SERINC5: variants seen among roughly 807,000 people sequenced by gnomAD.
The protein encoded by SERINC5 is chromosome 5 open reading frame 12.
In SERINC5, 41 loss-of-function variants were observed where a neutral mutation model predicts 63.1. The observed-to-expected ratio is 0.65, with a 90% CI of 0.51 to 0.84. The LOEUF (loss-of-function observed/expected upper bound fraction) is 0.84. Ranked by LOEUF, SERINC5 falls within the 40% of genes least tolerant of loss-of-function variation. The probability of loss-of-function intolerance (pLI) is 0.00; values close to 1 mark genes in which losing one functional copy is unlikely to be tolerated. For missense variants in SERINC5, 523 were observed against 573.0 expected (o/e 0.91, Z 0.89); for synonymous variants, 222 against 215.2 (o/e 1.03, Z -0.28).
In SERINC5 at chr5:80,158,792, T is replaced by G. The variant is rs749263934; in HGVS notation, c.986+44A>C. 4 of 1,582,372 alleles carry G rather than the reference T, an allele frequency of 2.5e-6. No homozygotes were observed. The African/African-American group carries it at 5.4e-5, about 21-fold the overall frequency. On this transcript the variant is annotated intron_variant, in intron 8 of 11. Coordinates refer to ENST00000507668, the MANE Select transcript of SERINC5 (RefSeq NM_001174072.3). ...GTTATTTCAATTCTTTTCCTGTAATTTTAAAGTCTGCAAAAGTGACCTTGA... is the reference window on the plus strand; with the variant it reads ...GTTATTTCAATTCTTTTCCTGTAATGTTAAAGTCTGCAAAAGTGACCTTGA...
chr5:80,169,856 G>C (rs1286248938), intron 5 of SERINC5, among the ~76,000 whole-genome samples: 3 of 152,118 alleles, frequency 2.0e-5, no homozygotes, highest in Non-Finnish European at 4.4e-5. Context: ...ATGAGAGACT[G>C]AGGCAACAGT....
chr5:80,121,261 C>T (rs1744533632), intron 11 of SERINC5, among the ~76,000 whole-genome samples: 1 of 152,196 alleles, frequency 6.6e-6, no homozygotes, highest in South Asian at 2.1e-4. Context: ...ACAGGCTGCA[C>T]AAGCAAGGTG....
At chr5:80,188,957 C>T (rs1749008438) in intron 2 of SERINC5, among the ~76,000 whole-genome samples, 1 of 152,106 alleles carries the variant, frequency 6.6e-6, no homozygotes, top group Non-Finnish European at 1.5e-5. Context: ...TAGAATTCTA[C>T]AATCTGATTG....
intron 1 of SERINC5, among the ~76,000 whole-genome samples, chr5:80,238,611 C>T (rs949357542): frequency 1.3e-5 from 2 of 151,852 alleles, no homozygotes; most frequent in Non-Finnish European, 2.9e-5. Flanking sequence ...TGGCAAAACC[C>T]GATCTCTACT....
intron 9 of SERINC5, among the ~76,000 whole-genome samples, 170 bp from the exon 10 acceptor site, chr5:80,147,454 G>A (rs1745894720): frequency 1.3e-5 from 2 of 152,340 alleles, no homozygotes; most frequent in South Asian, 4.1e-4. Context: ...GGAGGGAGAT[G>A]TGCCACAGAG....
chr5:80,237,396 C>T (rs1751744935), intron 1 of SERINC5, among the ~76,000 whole-genome samples: 1 of 151,556 alleles, frequency 6.6e-6, no homozygotes, highest in African/African-American at 2.4e-5. Context: ...TGCAGTGGTA[C>T]AATCATGGCT....
chr5:80,141,830 G>C lies in SERINC5; in HGVS notation c.*1833C>G. 3 of 985,330 alleles carry C rather than the reference G, an allele frequency of 3.0e-6. No homozygotes were observed. The highest frequency in any genetic ancestry group is 3.6e-6 in the Non-Finnish European group (3 of 829,882). The allele number at this position is 985,330 out of a possible 1,614,324, so 61.0% of individuals were successfully genotyped here. A position where few individuals can be genotyped will look rare whatever the true frequency, so the allele number is the denominator to read the frequency against. Reference sequence around the variant, plus strand: ...AAATTTAATGGAATTTACAAAACAAGGCTCTCTAAACCACACACACAGATG... The same window carrying C: ...AAATTTAATGGAATTTACAAAACAACGCTCTCTAAACCACACACACAGATG... On this transcript the variant is annotated 3_prime_UTR_variant, in exon 12 of 12. Transcript: ENST00000507668.
At chr5:80,192,039 G>A (rs888769942) in intron 2 of SERINC5, among the ~76,000 whole-genome samples, 19 of 152,236 alleles carry the variant, frequency 1.2e-4, no homozygotes, top group African/African-American at 4.6e-4. Context: ...TAGCCACACT[G>A]GTTGGCTGGC....
In SERINC5 at chr5:80,142,061, A is replaced by T; in HGVS notation, c.*1602T>A. The stretch of plus-strand genomic sequence containing the variant: ...CTCAATTCTGCCCAACTCATACAGT[A>T]GGGCACAGAAAAAAATGACTAGGCT... On this transcript the variant is annotated 3_prime_UTR_variant, in exon 12 of 12. Coordinates refer to ENST00000507668, the MANE Select transcript of SERINC5 (RefSeq NM_001174072.3). The T allele has an allele frequency of 1.0e-6, 1 of 985,306 alleles. No homozygotes were observed. 61.0% of individuals were successfully genotyped at this position (985,306 alleles called of 1,614,324 possible).
chr5:80,168,909 A>C lies in SERINC5; in HGVS notation c.763+426T>G, dbSNP rs138684199. ...TGGGATGTCCTGCTTCCTGACTCCCAGACCACACTGTCCACAGCCTTGAGT... is the reference window on the plus strand; with the variant it reads ...TGGGATGTCCTGCTTCCTGACTCCCCGACCACACTGTCCACAGCCTTGAGT... On this transcript the variant is annotated intron_variant, in intron 6 of 11. Transcript: ENST00000507668. Among the ~76,000 whole-genome samples, 195 of 152,304 alleles carry C rather than the reference A, an allele frequency of 1.3e-3. 1 individual carries two copies. Among genetic ancestry groups the C allele is most frequent in the African/African-American group, 4.5e-3 (189 of 41,570 alleles).
intron 1 of SERINC5, among the ~76,000 whole-genome samples, chr5:80,234,046 G>A (rs573668058): frequency 6.6e-6 from 1 of 152,090 alleles, no homozygotes; most frequent in East Asian, 1.9e-4. Context: ...TCCTGAACTC[G>A]TGATCCGTCC....
At chr5:80,117,805 T>A (rs534027326) in intron 11 of SERINC5, among the ~76,000 whole-genome samples, 1 of 152,020 alleles carries the variant, frequency 6.6e-6, no homozygotes, top group Admixed American at 6.5e-5. Flanking sequence ...CAGCTTTGGG[T>A]GGCTGTCAGC....
chr5:80,181,669 A>C (rs1360313093), intron 2 of SERINC5, among the ~76,000 whole-genome samples: 1 of 151,996 alleles, frequency 6.6e-6, no homozygotes, highest in Non-Finnish European at 1.5e-5. Context: ...TTTTTTTTAC[A>C]CCATTTTGTC....
chr5:80,140,921 CA>C lies in SERINC5; in HGVS notation c.*2741del, dbSNP rs1745469335. 1 of 985,244 alleles carries C rather than the reference CA, an allele frequency of 1.0e-6. No individual in the cohort carries two copies. The allele number at this position is 985,244 out of a possible 1,614,324, so 61.0% of individuals were successfully genotyped here. A position where few individuals can be genotyped will look rare whatever the true frequency, so the allele number is the denominator to read the frequency against. ...GTCATGTACAAAAAGGTGTAGGAAG[CA>C]AATGTCTATTATTTTTAAAAGATAT... On this transcript the variant is annotated 3_prime_UTR_variant, in exon 12 of 12. Transcript: ENST00000507668.
At position 80,142,125 on chromosome 5, in the gene SERINC5, G is replaced by A. The variant is rs1182633773; in HGVS notation, c.*1538C>T. 5 of 985,386 alleles carry A rather than the reference G, an allele frequency of 5.1e-6. No homozygotes were observed. Among genetic ancestry groups the A allele is most frequent in the African/African-American group, 1.7e-5 (1 of 57,336 alleles). 61.0% of individuals were successfully genotyped at this position (985,386 alleles called of 1,614,324 possible). On this transcript the variant is annotated 3_prime_UTR_variant, in exon 12 of 12. Transcript: ENST00000507668. ...TTAGATCCTCACTTACAGAGAGCTCGAGAAGATTCTTTCCACCCCGAATGA... is the reference window on the plus strand; with the variant it reads ...TTAGATCCTCACTTACAGAGAGCTCAAGAAGATTCTTTCCACCCCGAATGA...
At chr5:80,207,021 C>T (rs981664957) in intron 1 of SERINC5, among the ~76,000 whole-genome samples, 7 of 151,652 alleles carry the variant, frequency 4.6e-5, no homozygotes, top group Non-Finnish European at 8.8e-5. Context: ...ATTTTTTAGA[C>T]GGAGTCTCAC....
At chr5:80,232,789 A>T (rs72776287) in intron 1 of SERINC5, among the ~76,000 whole-genome samples, 50,405 of 151,890 alleles carry the variant, frequency 0.33, 8,718 homozygotes, top group African/African-American at 0.43. Context: ...TCTCAAAAAA[A>T]AAAAATAAAA....
At chr5:80,244,623 T>A (rs1216111231) in intron 1 of SERINC5, among the ~76,000 whole-genome samples, 1 of 151,102 alleles carries the variant, frequency 6.6e-6, no homozygotes, top group Non-Finnish European at 1.5e-5. Context: ...GAGTTCGAGA[T>A]CAGCCTGACC....
intron 3 of SERINC5, among the ~76,000 whole-genome samples, chr5:80,177,683 C>A (rs115063640): frequency 0.018 from 2,816 of 152,228 alleles, 79 homozygotes; most frequent in African/African-American, 0.064. Context: ...GAGTAAATTT[C>A]GCATCATGGT....
Sources: allele counts gnomAD v4.1 joint callset (sites outside exome capture counted in the v4.1 genomes callset), GRCh38; gene constraint gnomAD v4.1.1; transcripts MANE v1.5; gene names NCBI Gene and HGNC (gene_info 2026-07-23, HGNC 2026-07-21).